TVP23C: variants seen among roughly 807,000 people sequenced by gnomAD.
The protein encoded by TVP23C is trans-golgi network vesicle protein 23 homolog C, also known as Golgi apparatus membrane protein TVP23 homolog C.
TVP23C carries 19 observed loss-of-function variants against 28.7 expected under a neutral mutation model. The observed-to-expected ratio is 0.66, with a 90% CI of 0.46 to 0.97. The LOEUF (loss-of-function observed/expected upper bound fraction) is 0.97, where lower values mean the gene tolerates loss of function less well. TVP23C is among the 50% of genes least tolerant of loss of function. The pLI is 0.00. For missense variants in TVP23C, 186 were observed against 241.3 expected (o/e 0.77, Z 1.52); for synonymous variants, 68 against 81.7 (o/e 0.83, Z 0.90).
rs1253383564 is a variant in TVP23C, at chr17:15,539,955, T to C, written c.*457A>G. 12 of 477,362 alleles carry C rather than the reference T, an allele frequency of 2.5e-5. No homozygotes were observed. The highest frequency in any genetic ancestry group is 3.3e-5 in the Non-Finnish European group (12 of 360,110). 29.6% of individuals were successfully genotyped at this position (477,362 alleles called of 1,614,324 possible). A position where few individuals can be genotyped will look rare whatever the true frequency, so the allele number is the denominator to read the frequency against. The stretch of plus-strand genomic sequence containing the variant: ...GAAAATACAAAAAATTAGCTGGGCG[T>C]GGTGGCATGCGCCTGTAATCCCAGC... On this transcript the variant is annotated 3_prime_UTR_variant, in exon 6 of 6. Coordinates refer to ENST00000518321, the MANE Select transcript of TVP23C (RefSeq NM_001135036.2).
chr17:15,503,500 G>T (rs1014577327), intron 5 of TVP23C: 9 of 302,514 alleles, frequency 3.0e-5, no homozygotes, highest in Middle Eastern at 1.8e-3. Context: ...GTTGGAACAC[G>T]GTGCAGAACC....
chr17:15,545,003 T>C lies in TVP23C; in HGVS notation c.462+782A>G, dbSNP rs542611522. On this transcript the variant is annotated intron_variant, in intron 5 of 5. Coordinates refer to ENST00000518321, the MANE Select transcript of TVP23C (RefSeq NM_001135036.2). ...TAGAATAAGAAAAAACAATATGAGATATAAAAAAGAGTAAGACTCACAAAT... is the reference window on the plus strand; with the variant it reads ...TAGAATAAGAAAAAACAATATGAGACATAAAAAAGAGTAAGACTCACAAAT... Among the ~76,000 whole-genome samples, 21 of 152,136 alleles carry C rather than the reference T, an allele frequency of 1.4e-4. No individual in the cohort carries two copies. In the South Asian group the frequency reaches 3.7e-3, roughly 27 times the overall value.
intron 1 of TVP23C, among the ~76,000 whole-genome samples, chr17:15,556,362 GC>G (rs1364865849): frequency 1.7e-5 from 2 of 121,174 alleles, no homozygotes; most frequent in Non-Finnish European, 1.7e-5. Context: ...TTTACCTTAG[GC>G]TTTTTTTTTT....
chr17:15,512,582 T>G (rs546184451), intron 5 of TVP23C, among the ~76,000 whole-genome samples: 3 of 152,304 alleles, frequency 2.0e-5, no homozygotes, highest in African/African-American at 7.2e-5. Flanking sequence ...TGGAAAGCAA[T>G]CTCTGTTGCC....
At chr17:15,545,678 A>C (rs1254592192) in intron 5 of TVP23C, 107 bp downstream of exon 5, 1 of 1,449,662 alleles carries the variant, frequency 6.9e-7, no homozygotes, top group Non-Finnish European at 9.1e-7. Context: ...GAAGCTGCCT[A>C]TTCAAGATAG....
intron 1 of TVP23C, among the ~76,000 whole-genome samples, chr17:15,560,348 GC>G (rs1199340394): frequency 6.7e-6 from 1 of 149,298 alleles, no homozygotes. Flanking sequence ...ACAGCCATGA[GC>G]CCTGCGCCCA....
intron 5 of TVP23C, among the ~76,000 whole-genome samples, chr17:15,525,352 TACTG>T (rs1354000395): frequency 1.3e-5 from 2 of 152,252 alleles, no homozygotes; most frequent in African/African-American, 4.8e-5. Flanking sequence ...ACTTGGCTAG[TACTG>T]AGTTATTTAA....
rs540636994 is a variant in TVP23C at position 15,540,683 on chromosome 17, A to G, written c.463-122T>C. The G allele has an allele frequency of 1.9e-4, 118 of 614,348 alleles. 1 individual carries two copies. Among genetic ancestry groups the G allele is most frequent in the East Asian group, 1.4e-3 (51 of 36,220 alleles). The allele number at this position is 614,348 out of a possible 1,614,324, so 38.1% of individuals were successfully genotyped here. ...AAGGAAGAGGAAGCTCTGCAAAGCCATGATTGTGCCAGTTGAGATTTTCCA... is the reference window on the plus strand; with the variant it reads ...AAGGAAGAGGAAGCTCTGCAAAGCCGTGATTGTGCCAGTTGAGATTTTCCA... On this transcript the variant is annotated intron_variant, in intron 5 of 5. Coordinates refer to ENST00000518321, the MANE Select transcript of TVP23C (RefSeq NM_001135036.2).
intron 5 of TVP23C, among the ~76,000 whole-genome samples, chr17:15,514,040 C>T (rs372995702): frequency 7.0e-4 from 106 of 152,340 alleles, no homozygotes; most frequent in Middle Eastern, 3.4e-3. Flanking sequence ...ATCCTCCGCA[C>T]GCTTCCAAGA....
intron 1 of TVP23C, among the ~76,000 whole-genome samples, chr17:15,556,965 T>C (rs1235332787): frequency 4.6e-5 from 7 of 150,844 alleles, no homozygotes; most frequent in African/African-American, 1.2e-4. Context: ...ACTGTCTTCA[T>C]TGAGCACTGT....
chr17:15,503,537 T>C (rs1233327387), intron 5 of TVP23C: 1 of 212,274 alleles, frequency 4.7e-6, no homozygotes, highest in African/African-American at 2.3e-5. Flanking sequence ...GTTGCCTTAT[T>C]ATGTTCTATT....
intron 5 of TVP23C, among the ~76,000 whole-genome samples, chr17:15,531,322 T>G (rs2150842441): frequency 6.6e-6 from 1 of 152,338 alleles, no homozygotes; most frequent in South Asian, 2.1e-4. Flanking sequence ...TTGATCTTCT[T>G]GAATGTGTAG....
downstream of TVP23C, among the ~76,000 whole-genome samples, chr17:15,535,483 T>C (rs1056339184): frequency 3.3e-5 from 5 of 150,780 alleles, no homozygotes; most frequent in African/African-American, 1.2e-4. Context: ...TCCAGGCCAG[T>C]AGCTGAAAAG....
intron 5 of TVP23C, among the ~76,000 whole-genome samples, chr17:15,509,967 A>G (rs968271034): frequency 1.3e-5 from 2 of 152,190 alleles, no homozygotes; most frequent in African/African-American, 4.8e-5. Context: ...TGTTTCAAGT[A>G]CCTCTAAAAA....
At chr17:15,512,010 G>T (rs1982025391) in intron 5 of TVP23C, among the ~76,000 whole-genome samples, 1 of 152,160 alleles carries the variant, frequency 6.6e-6, no homozygotes, top group Non-Finnish European at 1.5e-5. Flanking sequence ...TGAAACACAG[G>T]CTGCTGGGTC....
intron 5 of TVP23C, among the ~76,000 whole-genome samples, chr17:15,511,818 C>A (rs1429451307): frequency 6.6e-6 from 1 of 152,136 alleles, no homozygotes; most frequent in African/African-American, 2.4e-5. Flanking sequence ...GATATGATCT[C>A]ATGATAGTTT....
chr17:15,553,976 C>T (rs1166809807), intron 2 of TVP23C, 147 bp from the exon 3 acceptor site: 25 of 1,414,200 alleles, frequency 1.8e-5, no homozygotes, highest in Non-Finnish European at 2.3e-5. Context: ...AAGCAAACCT[C>T]CTAGCTCTCT....
chr17:15,519,986 T>C (rs1219589913), intron 5 of TVP23C, among the ~76,000 whole-genome samples: 2 of 152,018 alleles, frequency 1.3e-5, no homozygotes, highest in Non-Finnish European at 2.9e-5. Context: ...TATGAAAAAC[T>C]TTAAGAGTAA....
chr17:15,522,431 C>A (rs930780109), intron 5 of TVP23C, among the ~76,000 whole-genome samples: 1 of 151,974 alleles, frequency 6.6e-6, no homozygotes, highest in African/African-American at 2.4e-5. Flanking sequence ...AAAAAATAGA[C>A]CTATTCACAC....
Sources: gnomAD v4.1 joint callset for allele counts (sites outside exome capture counted in the v4.1 genomes callset) on GRCh38, gnomAD v4.1.1 for gene constraint, MANE v1.5 for transcripts, NCBI Gene and HGNC (gene_info 2026-07-23, HGNC 2026-07-21) for gene names.